ZDHHC14: variants seen among roughly 807,000 people sequenced by gnomAD.
ZDHHC14 encodes palmitoyltransferase ZDHHC14.
In ZDHHC14, 16 loss-of-function variants were observed where a neutral mutation model predicts 47.7. That is an observed-to-expected ratio of 0.34 (90% CI 0.23 to 0.51). The LOEUF (loss-of-function observed/expected upper bound fraction) is 0.51. Ranked by LOEUF, ZDHHC14 falls within the 20% of genes least tolerant of loss-of-function variation. ZDHHC14 has a pLI of 0.97. For missense variants in ZDHHC14, 515 were observed against 662.5 expected (o/e 0.78, Z 2.44); for synonymous variants, 293 against 278.9 (o/e 1.05, Z -0.50).
intron 3 of ZDHHC14, among the ~76,000 whole-genome samples, chr6:157,607,775 G>C (rs368602186): frequency 6.6e-6 from 1 of 152,082 alleles, no homozygotes; most frequent in Non-Finnish European, 1.5e-5. Flanking sequence ...AGAACCCTCA[G>C]TGTAGTTAAA....
intron 1 of ZDHHC14, among the ~76,000 whole-genome samples, chr6:157,526,611 C>A (rs577752054): frequency 6.6e-6 from 1 of 152,230 alleles, no homozygotes; most frequent in Admixed American, 6.5e-5. Context: ...TTTTCTCTTT[C>A]ACACACGAGT....
At chr6:157,568,039 T>C (rs983923136) in intron 2 of ZDHHC14, among the ~76,000 whole-genome samples, 33 of 152,194 alleles carry the variant, frequency 2.2e-4, no homozygotes, top group African/African-American at 6.3e-4. Flanking sequence ...TTTTACTCAC[T>C]TATAACCAGC....
At chr6:157,524,515 A>G (rs1781088256) in intron 1 of ZDHHC14, among the ~76,000 whole-genome samples, 1 of 152,208 alleles carries the variant, frequency 6.6e-6, no homozygotes, top group Non-Finnish European at 1.5e-5. Context: ...GTGGTTGTAC[A>G]TATACACGTT....
At position 157,520,760 on chromosome 6, in the gene ZDHHC14, G is replaced by C. The variant is rs192652036; in HGVS notation, c.246-21825G>C. 1.4e-3 allele frequency among the ~76,000 whole-genome samples: 208 copies of C among 152,282 alleles called. 1 individual carries two copies. Among genetic ancestry groups the C allele is most frequent in the Non-Finnish European group, 7.9e-4 (54 of 68,028 alleles). On this transcript the variant is annotated intron_variant, in intron 1 of 8. Coordinates refer to ENST00000359775, the MANE Select transcript of ZDHHC14 (RefSeq NM_024630.3). ...GTCACCAAAGTCACATGTGTTCTGA[G>C]ACATGAAACAAAAGTGTTGGGCATA...
chr6:157,615,838 A>G (rs893694925), intron 3 of ZDHHC14, among the ~76,000 whole-genome samples: 1 of 151,508 alleles, frequency 6.6e-6, no homozygotes, highest in Non-Finnish European at 1.5e-5. Context: ...GCAGTGATCC[A>G]TTTTAGAAAA....
At chr6:157,516,499 C>G (rs1249227353) in intron 1 of ZDHHC14, among the ~76,000 whole-genome samples, 2 of 152,174 alleles carry the variant, frequency 1.3e-5, no homozygotes, top group Admixed American at 1.3e-4. Flanking sequence ...CTTTCCCTGT[C>G]AGAGTGTAAA....
At chr6:157,490,612 C>A (rs142869531) in intron 1 of ZDHHC14, among the ~76,000 whole-genome samples, 1 of 152,232 alleles carries the variant, frequency 6.6e-6, no homozygotes, top group African/African-American at 2.4e-5. Flanking sequence ...AGGAGAATTT[C>A]TGGCACAAGG....
intron 3 of ZDHHC14, among the ~76,000 whole-genome samples, chr6:157,615,765 CCA>C (rs1217953200): frequency 2.0e-5 from 3 of 150,174 alleles, no homozygotes; most frequent in Admixed American, 6.6e-5. Context: ...TCAACATTTG[CCA>C]CATTTACTAG....
rs147380621 is a variant in ZDHHC14 at position 157,421,492 on chromosome 6, CAAAAAAAAAA to C, written c.245+39242_245+39251del. ...TGGGCTACAGAGCCAGACTCCGTCTCAAAAAAAAAAAAAAAAAAAAAAAAAGATAAAAGCA... is the reference window on the plus strand; with the variant it reads ...TGGGCTACAGAGCCAGACTCCGTCTCAAAAAAAAAAAAAAAGATAAAAGCA... On this transcript the variant is annotated intron_variant, in intron 1 of 8. Coordinates refer to ENST00000359775, the MANE Select transcript of ZDHHC14 (RefSeq NM_024630.3). Among the ~76,000 whole-genome samples, 6 of 56,714 alleles carry C rather than the reference CAAAAAAAAAA, an allele frequency of 1.1e-4. No homozygotes were observed. The East Asian group carries it at 4.0e-3, about 38-fold the overall frequency. 37.2% of individuals were successfully genotyped at this position (56,714 alleles called of 152,430 possible). A position where few individuals can be genotyped will look rare whatever the true frequency, so the allele number is the denominator to read the frequency against.
Position 157,674,703 on chromosome 6 carries a change from A to G in ZDHHC14, c.*1581A>G, listed in dbSNP as rs1345117985. Reference sequence around the variant, plus strand: ...ACTCCTGAGAAAGAGTTGCCATTTTATATAAAAGAAAAGAAGATAGGAAAA... The same window carrying G: ...ACTCCTGAGAAAGAGTTGCCATTTTGTATAAAAGAAAAGAAGATAGGAAAA... On this transcript the variant is annotated 3_prime_UTR_variant, in exon 9 of 9. Coordinates refer to ENST00000359775, the MANE Select transcript of ZDHHC14 (RefSeq NM_024630.3). The G allele has an allele frequency of 6.6e-6, 1 of 152,238 alleles. No individual in the cohort carries two copies. The highest frequency in any genetic ancestry group is 1.5e-5 in the Non-Finnish European group (1 of 68,030). 9.4% of individuals were successfully genotyped at this position (152,238 alleles called of 1,614,324 possible).
rs535209731 is a variant in ZDHHC14, at chr6:157,466,570, G to T, written c.246-76015G>T. 3.4e-4 allele frequency among the ~76,000 whole-genome samples: 52 copies of T among 152,252 alleles called. 1 individual carries two copies. The highest frequency in any genetic ancestry group is 6.8e-3 in the Middle Eastern group (2 of 294). On this transcript the variant is annotated intron_variant, in intron 1 of 8. Coordinates refer to ENST00000359775, the MANE Select transcript of ZDHHC14 (RefSeq NM_024630.3). ...TTTGTTTTTTTGGCCAGGCATGGTG[G>T]CTCACGCCTGTGATCCCAGCACTTT...
At chr6:157,474,508 C>G (rs1046564544) in intron 1 of ZDHHC14, among the ~76,000 whole-genome samples, 2 of 152,132 alleles carry the variant, frequency 1.3e-5, no homozygotes, top group Non-Finnish European at 2.9e-5. Context: ...TTTATAATAG[C>G]TGTACTCATT....
In ZDHHC14 at chr6:157,647,351, T is replaced by C. The variant is rs776672554; in HGVS notation, c.948T>C (p.Cys316=). ...NIFTNCCVAL[C]GPISPSLIDR... ...TTACCAACTGCTGTGTTGCCCTGTG[T>C]GGGCCCATCTCACCAAGGTAAGACT... The change falls in exon 7 of 9, where the codon TGT becomes TGC. Residue 316 remains cysteine (C), a synonymous_variant. Coordinates refer to ENST00000359775, the MANE Select transcript of ZDHHC14 (RefSeq NM_024630.3). 9 of 1,613,468 alleles carry C rather than the reference T, an allele frequency of 5.6e-6. No individual in the cohort carries two copies. Among genetic ancestry groups the C allele is most frequent in the Middle Eastern group, 1.6e-4 (1 of 6,062 alleles).
chr6:157,388,057 C>T (rs958675061), intron 1 of ZDHHC14, among the ~76,000 whole-genome samples: 3 of 152,166 alleles, frequency 2.0e-5, no homozygotes, highest in African/African-American at 7.2e-5. Flanking sequence ...TGATAACATT[C>T]GGATGTTCTC....
chr6:157,625,797 T>C (rs1460173861), intron 3 of ZDHHC14, among the ~76,000 whole-genome samples: 2 of 151,980 alleles, frequency 1.3e-5, no homozygotes, highest in East Asian at 3.9e-4. Flanking sequence ...TTTAGTGGGA[T>C]TCCTGCCACT....
intron 1 of ZDHHC14, among the ~76,000 whole-genome samples, chr6:157,393,527 G>T (rs2114737706): frequency 6.6e-6 from 1 of 152,334 alleles, no homozygotes; most frequent in South Asian, 2.1e-4. Flanking sequence ...TATTGGAGAT[G>T]TTACTTCTAC....
At chr6:157,612,396 G>T (rs1007058958) in intron 3 of ZDHHC14, among the ~76,000 whole-genome samples, 6 of 152,258 alleles carry the variant, frequency 3.9e-5, no homozygotes, top group African/African-American at 1.4e-4. Flanking sequence ...TAGTATACAA[G>T]ACCCACCTCT....
In ZDHHC14 at chr6:157,405,963, G is replaced by A. The variant is rs560398611; in HGVS notation, c.245+23697G>A. 5.9e-5 allele frequency among the ~76,000 whole-genome samples: 9 copies of A among 152,182 alleles called. No individual in the cohort carries two copies. In the South Asian group the frequency reaches 1.2e-3, roughly 21 times the overall value. ...TATTCCCCATCCCCCACCCCTGCTCGGACCTCCCCAATTTTTCCATCTTTG... is the reference window on the plus strand; with the variant it reads ...TATTCCCCATCCCCCACCCCTGCTCAGACCTCCCCAATTTTTCCATCTTTG... On this transcript the variant is annotated intron_variant, in intron 1 of 8. Transcript: ENST00000359775.
intron 2 of ZDHHC14, among the ~76,000 whole-genome samples, chr6:157,555,682 G>T (rs1782428420): frequency 6.6e-6 from 1 of 152,214 alleles, no homozygotes; most frequent in African/African-American, 2.4e-5. Context: ...AACAAGGACA[G>T]ATTATTGTAA....
Sources: gnomAD v4.1 joint callset for allele counts (sites outside exome capture counted in the v4.1 genomes callset) on GRCh38, gnomAD v4.1.1 for gene constraint, MANE v1.5 for transcripts, NCBI Gene and HGNC (gene_info 2026-07-23, HGNC 2026-07-21) for gene names.